The following PEX5L variants were observed in gnomAD, a reference collection of about 807,000 sequenced individuals.
PEX5L encodes the protein peroxisomal biogenesis factor 5 like, also known as PEX5-related protein.
In PEX5L, 30 loss-of-function variants were observed where a neutral mutation model predicts 84.0. The observed-to-expected ratio is 0.36, with a 90% confidence interval of 0.27 to 0.48. The LOEUF (loss-of-function observed/expected upper bound fraction) is 0.48, where lower values mean the gene tolerates loss of function less well. PEX5L is among the 20% of genes least tolerant of loss of function. PEX5L has a pLI of 0.99. For missense variants in PEX5L, 533 were observed against 754.6 expected (o/e 0.71, Z 3.44); for synonymous variants, 270 against 283.1 (o/e 0.95, Z 0.46).
At chr3:180,019,684 A>T (rs1389101627) in intron 1 of PEX5L, among the ~76,000 whole-genome samples, 1 of 152,212 alleles carries the variant, frequency 6.6e-6, no homozygotes, top group Non-Finnish European at 1.5e-5. Flanking sequence ...TGAGGAAATC[A>T]GAGAGATAAA....
At chr3:179,900,373 T>A (rs1427415374) in intron 2 of PEX5L, among the ~76,000 whole-genome samples, 4 of 152,184 alleles carry the variant, frequency 2.6e-5, no homozygotes, top group Non-Finnish European at 5.9e-5. Flanking sequence ...TAGATTCTTT[T>A]CTTGGGCTAA....
chr3:179,985,906 G>A (rs1269860750), intron 1 of PEX5L, among the ~76,000 whole-genome samples: 2 of 152,130 alleles, frequency 1.3e-5, no homozygotes, highest in African/African-American at 2.4e-5. Flanking sequence ...GGTTTACAGT[G>A]TGCAAGCAGT....
At chr3:179,861,568 G>A (rs1037287414) in intron 7 of PEX5L, among the ~76,000 whole-genome samples, 1 of 152,196 alleles carries the variant, frequency 6.6e-6, no homozygotes, top group Non-Finnish European at 1.5e-5. Context: ...GAGCATCAGC[G>A]CCTCACTGTT....
chr3:179,951,630 A>G (rs546695728), intron 2 of PEX5L, among the ~76,000 whole-genome samples: 13 of 152,334 alleles, frequency 8.5e-5, no homozygotes, highest in African/African-American at 3.1e-4. Context: ...AAAGAGCTGG[A>G]AGAGGCTTGC....
chr3:179,818,589 C>A (rs1038165909), intron 9 of PEX5L, among the ~76,000 whole-genome samples: 11 of 151,512 alleles, frequency 7.3e-5, no homozygotes, highest in African/African-American at 2.7e-4. Context: ...CAGTTCCCTA[C>A]CCCCCTCCCC....
At chr3:179,804,525 G>C (rs956818533) in intron 14 of PEX5L, among the ~76,000 whole-genome samples, 5 of 152,104 alleles carry the variant, frequency 3.3e-5, no homozygotes, top group Non-Finnish European at 5.9e-5. Flanking sequence ...GTAACATTTA[G>C]AGCTAAAGCC....
At chr3:179,808,910 T>C (rs372896223) in intron 12 of PEX5L, among the ~76,000 whole-genome samples, 5 of 151,112 alleles carry the variant, frequency 3.3e-5, no homozygotes, top group African/African-American at 7.3e-5. Context: ...CCGTCTCTAC[T>C]AAAAATACAA....
intron 1 of PEX5L, among the ~76,000 whole-genome samples, chr3:179,998,666 C>T (rs567404441): frequency 1.6e-4 from 25 of 152,304 alleles, no homozygotes; most frequent in Admixed American, 6.5e-4. Flanking sequence ...ATGAACTGGG[C>T]GCTTTCTGAT....
chr3:180,001,432 T>A (rs1471054371), intron 1 of PEX5L, among the ~76,000 whole-genome samples: 1 of 150,556 alleles, frequency 6.6e-6, no homozygotes, highest in African/African-American at 2.4e-5. Context: ...ACACCCACCG[T>A]CTCTCTGATA....
At chr3:180,022,017 A>G (rs1790465852) in intron 1 of PEX5L, among the ~76,000 whole-genome samples, 1 of 127,568 alleles carries the variant, frequency 7.8e-6, no homozygotes, top group African/African-American at 3.4e-5. Flanking sequence ...TTTAATTTCT[A>G]TTACTTATTG....
intron 7 of PEX5L, among the ~76,000 whole-genome samples, chr3:179,863,273 T>C (rs1560435233): frequency 6.6e-6 from 1 of 152,080 alleles, no homozygotes; most frequent in Non-Finnish European, 1.5e-5. Flanking sequence ...ATGACACTAG[T>C]CTGGGCAAAG....
intron 2 of PEX5L, among the ~76,000 whole-genome samples, chr3:179,929,963 A>T (rs1772572631): frequency 1.3e-5 from 2 of 152,152 alleles, no homozygotes; most frequent in African/African-American, 4.8e-5. Context: ...TTTTGAAAAC[A>T]AGGTTTTTAT....
intron 7 of PEX5L, among the ~76,000 whole-genome samples, chr3:179,860,582 C>T (rs1360548575): frequency 6.6e-6 from 1 of 152,226 alleles, no homozygotes; most frequent in Non-Finnish European, 1.5e-5. Flanking sequence ...TACAGCAAAA[C>T]TTTCCTCTTC....
At chr3:179,974,268 CA>C in intron 1 of PEX5L, 1 of 873,312 alleles carries the variant, frequency 1.1e-6, no homozygotes, top group South Asian at 5.3e-5. Context: ...TGTGAGGGGG[CA>C]GGGCTTCTGT....
intron 2 of PEX5L, among the ~76,000 whole-genome samples, chr3:179,952,707 C>G (rs1164725767): frequency 1.3e-5 from 2 of 152,126 alleles, no homozygotes; most frequent in East Asian, 3.8e-4. Flanking sequence ...ATGCTATCCC[C>G]ATCAAGCTAT....
chr3:180,025,275 T>C (rs1790845494), intron 1 of PEX5L, among the ~76,000 whole-genome samples: 1 of 152,176 alleles, frequency 6.6e-6, no homozygotes, highest in African/African-American at 2.4e-5. Context: ...GAGTCCTTAC[T>C]CAGGACAGTA....
chr3:179,805,833 A>G (rs141086679), intron 14 of PEX5L, among the ~76,000 whole-genome samples: 12 of 152,230 alleles, frequency 7.9e-5, no homozygotes, highest in Non-Finnish European at 1.5e-4. Flanking sequence ...ATGAGCCTTC[A>G]TGGGTCCCTG....
At chr3:179,929,818 T>G (rs1178138736) in intron 2 of PEX5L, among the ~76,000 whole-genome samples, 1 of 152,166 alleles carries the variant, frequency 6.6e-6, no homozygotes, top group Non-Finnish European at 1.5e-5. Context: ...CCCACCCACG[T>G]TTTTTAAATC....
intron 2 of PEX5L, among the ~76,000 whole-genome samples, chr3:179,935,259 G>A (rs776434254): frequency 3.3e-5 from 5 of 152,192 alleles, no homozygotes; most frequent in Non-Finnish European, 5.9e-5. Flanking sequence ...CATGCAGTGT[G>A]ACTTCAATGA....
Sources: allele counts gnomAD v4.1 joint callset (sites outside exome capture counted in the v4.1 genomes callset), GRCh38; gene constraint gnomAD v4.1.1; transcripts MANE v1.5; gene names NCBI Gene and HGNC (gene_info 2026-07-23, HGNC 2026-07-21).